SHQ1: variants seen among roughly 807,000 people sequenced by gnomAD.
SHQ1 encodes protein SHQ1 homolog.
A neutral mutation model predicts 53.8 loss-of-function variants in SHQ1; 49 were observed. The observed-to-expected ratio is 0.91, with a 90% CI of 0.72 to 1.16. The LOEUF (loss-of-function observed/expected upper bound fraction) is 1.16. SHQ1 is among the 50% of genes most tolerant of loss of function. The pLI is 0.00. For missense variants in SHQ1, 738 were observed against 683.1 expected, an observed-to-expected ratio of 1.08 and a Z score of -0.90; for synonymous variants, 243 against 251.0, an observed-to-expected ratio of 0.97 and a Z score of 0.30.
intron 4 of SHQ1, among the ~76,000 whole-genome samples, chr3:72,840,306 A>G (rs574531510): frequency 7.5e-4 from 114 of 151,558 alleles, no homozygotes; most frequent in Non-Finnish European, 1.3e-3. Flanking sequence ...GCTCATGCCT[A>G]TAATCCCAGA....
intron 10 of SHQ1, 99 bp downstream of exon 10, chr3:72,792,816 AC>A: frequency 1.3e-5 from 11 of 819,188 alleles, no homozygotes; most frequent in East Asian, 3.0e-5. Context: ...AAAAAACACA[AC>A]TTACTCCTCA....
At chr3:72,818,881 A>G (rs1188724269) in intron 6 of SHQ1, among the ~76,000 whole-genome samples, 1 of 152,212 alleles carries the variant, frequency 6.6e-6, no homozygotes, top group African/African-American at 2.4e-5. Flanking sequence ...AGCCAGCAAC[A>G]AAGTAGGGGC....
Position 72,829,335 on chromosome 3 carries a change from T to G in SHQ1, c.599+3034A>C, listed in dbSNP as rs17010203. On this transcript the variant is annotated intron_variant, in intron 5 of 10. Coordinates refer to ENST00000325599, the MANE Select transcript of SHQ1 (RefSeq NM_018130.3). ...TACAATAAAACCCCTTTAGTACGCT[T>G]CTTCTTCATAGCACTTAATTACAAT... Among the ~76,000 whole-genome samples, 254 of 152,348 alleles carry G rather than the reference T, an allele frequency of 1.7e-3. 2 individuals carry two copies. Among genetic ancestry groups the G allele is most frequent in the African/African-American group, 5.3e-3 (220 of 41,586 alleles).
intron 10 of SHQ1, among the ~76,000 whole-genome samples, chr3:72,791,783 C>T (rs1341187616): frequency 1.3e-5 from 2 of 151,858 alleles, no homozygotes; most frequent in Admixed American, 6.6e-5. Context: ...AACTCCTGAA[C>T]TCAAGCGATC....
intron 9 of SHQ1, among the ~76,000 whole-genome samples, chr3:72,796,060 G>A (rs1245910531): frequency 7.7e-6 from 1 of 129,484 alleles, no homozygotes; most frequent in African/African-American, 3.0e-5. Flanking sequence ...CCAAGATTGC[G>A]CCACTCACTC....
chr3:72,836,402 TG>T (rs1222354400), intron 4 of SHQ1, among the ~76,000 whole-genome samples: 4 of 151,528 alleles, frequency 2.6e-5, no homozygotes, highest in Admixed American at 6.6e-5. Context: ...GGCAGGAAAA[TG>T]GGGTGAACCC....
At chr3:72,798,739 T>C (rs1013709434) in intron 9 of SHQ1, among the ~76,000 whole-genome samples, 3 of 152,250 alleles carry the variant, frequency 2.0e-5, no homozygotes, top group African/African-American at 7.2e-5. Flanking sequence ...AGCTCATGGC[T>C]GGAGGCACTT....
intron 6 of SHQ1, among the ~76,000 whole-genome samples, chr3:72,823,855 T>C (rs1319528289): frequency 2.6e-5 from 4 of 152,226 alleles, no homozygotes; most frequent in Non-Finnish European, 5.9e-5. Flanking sequence ...CATTTAAACA[T>C]TGAAATTTTA....
chr3:72,824,019 G>C (rs1707567639), intron 6 of SHQ1, among the ~76,000 whole-genome samples: 1 of 152,102 alleles, frequency 6.6e-6, no homozygotes. Context: ...TGTCCATCTA[G>C]GTCTTTTCCC....
At chr3:72,763,720 T>C (rs1214183518) in intron 10 of SHQ1, among the ~76,000 whole-genome samples, 1 of 152,214 alleles carries the variant, frequency 6.6e-6, no homozygotes, top group African/African-American at 2.4e-5. Flanking sequence ...TGTGTTCATA[T>C]GCCAGGGGAT....
chr3:72,737,151 A>C, the SHQ1 span, among the ~76,000 whole-genome samples: 4 of 151,828 alleles, frequency 2.6e-5, no homozygotes, highest in Admixed American at 6.6e-5. Flanking sequence ...GCTGGGGTGC[A>C]TCTGTAGTCC....
At chr3:72,785,273 G>A (rs1012124874) in intron 10 of SHQ1, among the ~76,000 whole-genome samples, 2 of 152,198 alleles carry the variant, frequency 1.3e-5, no homozygotes, top group African/African-American at 2.4e-5. Context: ...AGTTCCAGGG[G>A]ATAACCTATA....
intron 4 of SHQ1, among the ~76,000 whole-genome samples, chr3:72,837,983 G>A (rs181821690): frequency 2.6e-5 from 4 of 152,268 alleles, no homozygotes; most frequent in South Asian, 2.1e-4. Flanking sequence ...TGCTGCACAC[G>A]CAGTGCTCAG....
At chr3:72,820,635 T>G (rs1394340904) in intron 6 of SHQ1, among the ~76,000 whole-genome samples, 1 of 152,220 alleles carries the variant, frequency 6.6e-6, no homozygotes, top group Non-Finnish European at 1.5e-5. Flanking sequence ...ACAGATGCAG[T>G]GCCAACAATG....
At chr3:72,781,889 T>C (rs1291054522) in intron 10 of SHQ1, among the ~76,000 whole-genome samples, 1 of 152,162 alleles carries the variant, frequency 6.6e-6, no homozygotes, top group African/African-American at 2.4e-5. Context: ...TAATTATAGG[T>C]AGAAGGTCTA....
intron 5 of SHQ1, among the ~76,000 whole-genome samples, chr3:72,824,803 T>TTA (rs1553696661): frequency 1.4e-5 from 2 of 146,156 alleles, no homozygotes; most frequent in African/African-American, 5.0e-5. Context: ...TTTTTTTTTT[T>TTA]AACTTTTTTT....
chr3:72,742,416 A>G, the SHQ1 span, among the ~76,000 whole-genome samples: 1 of 152,020 alleles, frequency 6.6e-6, no homozygotes, highest in African/African-American at 2.4e-5. Context: ...TATGAGTGTT[A>G]TATTTCAGGA....
intron 6 of SHQ1, among the ~76,000 whole-genome samples, chr3:72,819,575 G>C (rs887124963): frequency 2.0e-5 from 3 of 152,026 alleles, no homozygotes; most frequent in East Asian, 1.9e-4. Flanking sequence ...CATAAACAAA[G>C]GTCCTCATCC....
chr3:72,746,344 T>G (rs1022166118), downstream of SHQ1, among the ~76,000 whole-genome samples: 1 of 152,220 alleles, frequency 6.6e-6, no homozygotes, highest in African/African-American at 2.4e-5. Context: ...CTAGGAGTTT[T>G]GGGAAACCCA....
Sources: allele counts gnomAD v4.1 joint callset (sites outside exome capture counted in the v4.1 genomes callset), GRCh38; gene constraint gnomAD v4.1.1; transcripts MANE v1.5; gene names NCBI Gene and HGNC (gene_info 2026-07-23, HGNC 2026-07-21).